The following AK5 variants were observed in gnomAD, a reference collection of about 807,000 sequenced individuals.
The protein encoded by AK5 is adenylate kinase isoenzyme 5.
Under a neutral mutation model 69.5 loss-of-function variants are expected in AK5, and 27 were observed. The ratio of observed to expected loss-of-function variants is 0.39; its 90% CI spans 0.29 to 0.54. The LOEUF is 0.54. Ranked by LOEUF, AK5 falls within the 20% of genes least tolerant of loss-of-function variation. The probability of loss-of-function intolerance (pLI) is 0.71; values close to 1 mark genes in which losing one functional copy is unlikely to be tolerated. For synonymous variants in AK5, 260 were observed against 244.4 expected (o/e 1.06, Z -0.60); for missense variants, 531 against 700.4 (o/e 0.76, Z 2.73).
chr1:77,382,295 G>C (rs1647700175), intron 6 of AK5, among the ~76,000 whole-genome samples: 1 of 145,658 alleles, frequency 6.9e-6, no homozygotes, highest in African/African-American at 2.6e-5. Flanking sequence ...TGGAGCAAAT[G>C]ATAGTACCAG....
intron 8 of AK5, among the ~76,000 whole-genome samples, chr1:77,481,833 C>A (rs1191189338): frequency 6.6e-6 from 1 of 152,176 alleles, no homozygotes; most frequent in African/African-American, 2.4e-5. Context: ...ATATTTATGC[C>A]AATTTACTCA....
intron 8 of AK5, among the ~76,000 whole-genome samples, chr1:77,422,030 C>A (rs371567166): frequency 6.6e-6 from 1 of 152,180 alleles, no homozygotes; most frequent in African/African-American, 2.4e-5. Context: ...CATCTTCCCC[C>A]ACAAAATCTG....
intron 1 of AK5, among the ~76,000 whole-genome samples, chr1:77,286,452 C>T (rs975206171): frequency 3.3e-5 from 5 of 151,206 alleles, no homozygotes; most frequent in African/African-American, 1.2e-4. Context: ...ATCTTAATGA[C>T]TCCATCAGAT....
At chr1:77,470,108 C>T (rs934851488) in intron 8 of AK5, among the ~76,000 whole-genome samples, 1 of 152,204 alleles carries the variant, frequency 6.6e-6, no homozygotes, top group South Asian at 2.1e-4. Flanking sequence ...AATTTTCTCA[C>T]TTACAAATAA....
At chr1:77,342,869 A>G (rs919465905) in intron 6 of AK5, among the ~76,000 whole-genome samples, 1 of 149,474 alleles carries the variant, frequency 6.7e-6, no homozygotes, top group African/African-American at 2.5e-5. Flanking sequence ...GCCCCTCCTG[A>G]TTCATTCATT....
intron 6 of AK5, among the ~76,000 whole-genome samples, chr1:77,373,651 G>A (rs570972150): frequency 5.9e-5 from 9 of 152,046 alleles, no homozygotes; most frequent in East Asian, 5.8e-4. Flanking sequence ...GCTTGAACCC[G>A]GGAGGTGGAG....
At chr1:77,384,665 A>G (rs973143338) in intron 6 of AK5, among the ~76,000 whole-genome samples, 4 of 152,200 alleles carry the variant, frequency 2.6e-5, no homozygotes, top group African/African-American at 9.6e-5. Context: ...AGGAAAATAA[A>G]AGAAATAGGA....
chr1:77,286,790 T>C (rs1658377423), intron 1 of AK5, 151 bp from the exon 2 acceptor site: 3 of 392,610 alleles, frequency 7.6e-6, no homozygotes, highest in Non-Finnish European at 1.3e-5. Flanking sequence ...GAAGTTGCAG[T>C]GAGCCAAGAT....
intron 5 of AK5, among the ~76,000 whole-genome samples, chr1:77,328,848 C>A (rs761910911): frequency 6.6e-6 from 1 of 152,064 alleles, no homozygotes; most frequent in Non-Finnish European, 1.5e-5. Context: ...ATAACAATAC[C>A]ACAGCCTGGG....
chr1:77,516,084 A>G (rs936494966), intron 10 of AK5, among the ~76,000 whole-genome samples: 1 of 152,228 alleles, frequency 6.6e-6, no homozygotes, highest in Admixed American at 6.5e-5. Context: ...AAAAAAAGAA[A>G]GAAAGAAAAG....
chr1:77,383,609 C>CA (rs1179884026), intron 6 of AK5, among the ~76,000 whole-genome samples: 2 of 152,104 alleles, frequency 1.3e-5, no homozygotes, highest in African/African-American at 4.8e-5. Context: ...ATGGGAAAAG[C>CA]AAAGGACTAT....
chr1:77,518,338 T>C (rs942510267), intron 10 of AK5, among the ~76,000 whole-genome samples: 2 of 152,232 alleles, frequency 1.3e-5, no homozygotes, highest in African/African-American at 4.8e-5. Flanking sequence ...CTGTAACACC[T>C]GCCCCCTCCC....
chr1:77,395,457 C>T (rs939138789), intron 6 of AK5, among the ~76,000 whole-genome samples: 5 of 152,158 alleles, frequency 3.3e-5, no homozygotes, highest in Admixed American at 6.5e-5. Context: ...AGACTATGTG[C>T]CTTTTATGCC....
chr1:77,348,635 C>T (rs1252482700), intron 6 of AK5, among the ~76,000 whole-genome samples: 1 of 151,948 alleles, frequency 6.6e-6, no homozygotes, highest in African/African-American at 2.4e-5. Context: ...TTTTTTAAAG[C>T]AAAAGAAAAC....
At position 77,558,793 on chromosome 1, in the gene AK5, C is replaced by T. The variant is rs916726595; in HGVS notation, c.*123C>T. On this transcript the variant is annotated 3_prime_UTR_variant, in exon 14 of 14. Transcript: ENST00000354567. ...CCCACCAACCACCACCTCCTAAATC[C>T]TGACAGCACTGTTTGCTTCCCAGCT... 35 of 684,944 alleles carry T rather than the reference C, an allele frequency of 5.1e-5. No individual in the cohort carries two copies. The Admixed American group carries it at 8.6e-4, about 17-fold the overall frequency. The allele number at this position is 684,944 out of a possible 1,614,324, so 42.4% of individuals were successfully genotyped here.
intron 13 of AK5, among the ~76,000 whole-genome samples, chr1:77,547,021 A>G: frequency 6.6e-6 from 1 of 152,216 alleles, no homozygotes; most frequent in East Asian, 1.9e-4. Context: ...AAAGAGCAAG[A>G]TTGAAGCAAG....
chr1:77,440,100 T>G (rs924186620), intron 8 of AK5, among the ~76,000 whole-genome samples: 1 of 152,174 alleles, frequency 6.6e-6, no homozygotes, highest in African/African-American at 2.4e-5. Flanking sequence ...TTTTTCGTAA[T>G]GATGATGATG....
intron 10 of AK5, among the ~76,000 whole-genome samples, chr1:77,500,409 T>C (rs1269633316): frequency 6.8e-6 from 1 of 147,412 alleles, no homozygotes; most frequent in Non-Finnish European, 1.5e-5. Flanking sequence ...ATATTGATGA[T>C]ACAGGTCCCA....
intron 13 of AK5, among the ~76,000 whole-genome samples, chr1:77,538,348 C>A (rs7537639): frequency 0.67 from 95,055 of 141,404 alleles, 32,339 homozygotes; most frequent in Non-Finnish European, 0.75. Flanking sequence ...CAAAAAAAAA[C>A]AACAACAACA....
Sources: gnomAD v4.1 joint callset for allele counts (sites outside exome capture counted in the v4.1 genomes callset) on GRCh38, gnomAD v4.1.1 for gene constraint, MANE v1.5 for transcripts, NCBI Gene and HGNC (gene_info 2026-07-23, HGNC 2026-07-21) for gene names.